The following DIAPH2 variants were observed in gnomAD, a reference collection of about 807,000 sequenced individuals.
DIAPH2 encodes protein diaphanous homolog 2.
A neutral mutation model predicts 92.7 loss-of-function variants in DIAPH2; 35 were observed. That is an observed-to-expected ratio of 0.38 (90% CI 0.29 to 0.50). The LOEUF is 0.50. Among genes scored for constraint, DIAPH2 ranks in the 20% least tolerant of loss-of-function variants. The pLI is 0.94. For missense variants in DIAPH2, 701 were observed against 819.5 expected (o/e 0.86, Z 1.77); for synonymous variants, 301 against 280.4 (o/e 1.07, Z -0.73).
intron 26 of DIAPH2, among the ~76,000 whole-genome samples, chrX:97,596,353 T>C (rs2071551549): frequency 8.9e-6 from 1 of 112,117 alleles, no homozygotes; most frequent in Admixed American, 9.5e-5. Context: ...CATTTTTCTC[T>C]CTTTGATTTC....
chrX:96,702,171 A>G (rs1402032126), intron 1 of DIAPH2, among the ~76,000 whole-genome samples: 1 of 112,138 alleles, frequency 8.9e-6, no homozygotes, highest in Non-Finnish European at 1.9e-5. Flanking sequence ...ACATTAGTTG[A>G]GAAATAATAG....
intron 1 of DIAPH2, among the ~76,000 whole-genome samples, chrX:96,733,687 G>C (rs759144680): frequency 4.5e-5 from 5 of 111,937 alleles, no homozygotes; most frequent in African/African-American, 6.5e-5. Context: ...AAAGGTGGAA[G>C]CAAGGAGATA....
intron 23 of DIAPH2, among the ~76,000 whole-genome samples, chrX:97,312,632 G>A (rs1282489589): frequency 9.0e-6 from 1 of 111,090 alleles, no homozygotes; most frequent in Admixed American, 9.7e-5. Context: ...TACGGGCATC[G>A]GCCAGTGCAC....
chrX:97,494,571 G>T (rs919565511), intron 26 of DIAPH2, among the ~76,000 whole-genome samples: 1 of 111,336 alleles, frequency 9.0e-6, no homozygotes, highest in African/African-American at 3.3e-5. Context: ...CTTTTGCACT[G>T]GTGTCTGCAC....
rs201167208 is a variant in DIAPH2, at chrX:96,960,353, A to AT, written c.1935+2212dup. On this transcript the variant is annotated intron_variant, in intron 16 of 26. Transcript: ENST00000324765. ...GGTTAAATTTATTCCTAGGTTTTTT[A>AT]TTTTTTTGTAGCTATTGTAAATGAG... 9.1e-4 allele frequency among the ~76,000 whole-genome samples: 98 copies of AT among 107,987 alleles called. No homozygotes were observed. In the East Asian group the frequency reaches 0.027, roughly 30 times the overall value. 93.8% of individuals were successfully genotyped at this position (107,987 alleles called of 115,157 possible). A position where few individuals can be genotyped will look rare whatever the true frequency, so the allele number is the denominator to read the frequency against.
intron 26 of DIAPH2, among the ~76,000 whole-genome samples, chrX:97,532,584 C>T: frequency 8.9e-6 from 1 of 112,365 alleles, no homozygotes; most frequent in South Asian, 3.6e-4. Flanking sequence ...TTGAAATAGG[C>T]TAACGAAATG....
At chrX:96,918,444 A>G in intron 8 of DIAPH2, 65 bp from the exon 9 acceptor site, 2 of 671,078 alleles carry the variant, frequency 3.0e-6, no homozygotes, top group Non-Finnish European at 4.5e-6. Context: ...TACTGAAAGG[A>G]CCGGTGCTCA....
intron 26 of DIAPH2, among the ~76,000 whole-genome samples, chrX:97,514,432 CA>C (rs2070923711): frequency 8.9e-6 from 1 of 112,745 alleles, no homozygotes; most frequent in African/African-American, 3.2e-5. Flanking sequence ...TCAAAGTTTT[CA>C]ACTTCTTTGC....
chrX:97,037,894 G>T lies in DIAPH2; in HGVS notation c.2051-35047G>T, dbSNP rs746842973. On this transcript the variant is annotated intron_variant, in intron 17 of 26. Transcript: ENST00000324765. ...TTTCAATAGCTTTAGGGTAAAATTG[G>T]TTTTGGATTACACGGATGAATTACA... 4.5e-5 allele frequency among the ~76,000 whole-genome samples: 5 copies of T among 111,161 alleles called. No homozygotes were observed. In the East Asian group the frequency reaches 1.4e-3, roughly 31 times the overall value.
At chrX:97,591,802 G>GA (rs2071519037) in intron 26 of DIAPH2, among the ~76,000 whole-genome samples, 1 of 111,921 alleles carries the variant, frequency 8.9e-6, no homozygotes, top group Non-Finnish European at 1.9e-5. Flanking sequence ...ATCATAGAGA[G>GA]AAAATCTGTC....
chrX:96,845,999 C>T (rs1231928442), intron 4 of DIAPH2, among the ~76,000 whole-genome samples: 2 of 110,567 alleles, frequency 1.8e-5, no homozygotes, highest in African/African-American at 6.6e-5. Flanking sequence ...AGGGTTTTAC[C>T]ATATTGGTCA....
intron 25 of DIAPH2, among the ~76,000 whole-genome samples, chrX:97,422,564 G>A (rs915675157): frequency 8.9e-6 from 1 of 112,099 alleles, no homozygotes; most frequent in African/African-American, 3.2e-5. Flanking sequence ...ACTTTGAGCA[G>A]CTCAACTTTT....
In DIAPH2 at chrX:97,572,782, G is replaced by T. The variant is rs779974977; in HGVS notation, c.3242-26471G>T. On this transcript the variant is annotated intron_variant, in intron 26 of 26. Coordinates refer to ENST00000324765, the MANE Select transcript of DIAPH2 (RefSeq NM_006729.5). ...GAGTGTATTATGGCAGGGAACACAA[G>T]ATTTTACTTCAACCCCTTCTATGCC... Among the ~76,000 whole-genome samples the T allele has an allele frequency of 4.5e-5, 5 of 111,616 alleles. No homozygotes were observed. In the South Asian group the frequency reaches 1.9e-3, roughly 42 times the overall value.
intron 26 of DIAPH2, among the ~76,000 whole-genome samples, chrX:97,510,259 G>T (rs1474083733): frequency 9.0e-6 from 1 of 111,285 alleles, no homozygotes; most frequent in Non-Finnish European, 1.9e-5. Context: ...CTGATGGCCA[G>T]TGATGATGAG....
At chrX:96,741,266 C>G (rs1340208317) in intron 3 of DIAPH2, among the ~76,000 whole-genome samples, 2 of 108,792 alleles carry the variant, frequency 1.8e-5, no homozygotes, top group African/African-American at 6.7e-5. Context: ...AGCTATCACT[C>G]CATTTATTTA....
intron 17 of DIAPH2, among the ~76,000 whole-genome samples, chrX:97,012,743 C>T (rs945397138): frequency 1.8e-5 from 2 of 112,068 alleles, no homozygotes; most frequent in African/African-American, 6.5e-5. Flanking sequence ...GTTAACTGTA[C>T]ACATTTCTTT....
At chrX:97,169,172 C>G (rs779615365) in intron 22 of DIAPH2, among the ~76,000 whole-genome samples, 1 of 111,280 alleles carries the variant, frequency 9.0e-6, no homozygotes, top group South Asian at 3.9e-4. Flanking sequence ...TAGGACAGAA[C>G]AGCAAAGCAC....
chrX:97,266,332 T>C (rs776601523), intron 23 of DIAPH2, among the ~76,000 whole-genome samples: 3 of 112,252 alleles, frequency 2.7e-5, no homozygotes, highest in Admixed American at 1.9e-4. Flanking sequence ...TCCTTTATTA[T>C]TTTATGCAAA....
At chrX:97,043,615 T>A (rs1011717218) in intron 17 of DIAPH2, among the ~76,000 whole-genome samples, 1 of 110,976 alleles carries the variant, frequency 9.0e-6, no homozygotes, top group African/African-American at 3.3e-5. Context: ...TATTTTAATA[T>A]TTATAAAGTA....
Sources: gnomAD v4.1 joint callset for allele counts (sites outside exome capture counted in the v4.1 genomes callset) on GRCh38, gnomAD v4.1.1 for gene constraint, MANE v1.5 for transcripts, NCBI Gene and HGNC (gene_info 2026-07-23, HGNC 2026-07-21) for gene names.